The following ADGRV1 variants were observed in gnomAD, a reference collection of about 807,000 sequenced individuals.
ADGRV1 encodes G-protein coupled receptor 98.
A neutral mutation model predicts 596.2 loss-of-function variants in ADGRV1; 359 were observed. The observed-to-expected ratio is 0.60, with a 90% CI of 0.55 to 0.66. The LOEUF is 0.66. ADGRV1 is among the 30% of genes least tolerant of loss of function. The pLI, the probability that ADGRV1 is intolerant of heterozygous loss-of-function variation, is 0.00. For synonymous variants in ADGRV1, 2,681 were observed against 2,679.2 expected (o/e 1.00, Z -0.02); for missense variants, 7,274 against 7,575.6 (o/e 0.96, Z 1.48).
chr5:90,658,416 C>A, intron 21 of ADGRV1, 138 bp downstream of exon 21: 1 of 667,840 alleles, frequency 1.5e-6, no homozygotes, highest in Non-Finnish European at 2.3e-6. Flanking sequence ...CCAGTGATTG[C>A]AAATATAAAT....
At chr5:90,686,236 T>C (rs185172030) in intron 29 of ADGRV1, among the ~76,000 whole-genome samples, 1 of 152,110 alleles carries the variant, frequency 6.6e-6, no homozygotes, top group Admixed American at 6.5e-5. Context: ...TATTATACTT[T>C]AAGTTTTAGG....
chr5:90,840,661 A>G lies in ADGRV1; in HGVS notation c.16695A>G (p.Thr5565=), dbSNP rs748272210. ...AGGATTTTGTGATAACTGAAGGCACATTGGTCTTTGAACCTGGCCAGAGAA... is the reference window on the plus strand; with the variant it reads ...AGGATTTTGTGATAACTGAAGGCACGTTGGTCTTTGAACCTGGCCAGAGAA... ...SGKDFVITEG[T]LVFEPGQRST... is the part of the protein sequence containing the mutation. The change falls in exon 78 of 90, where the codon ACA becomes ACG. Residue 5565 remains threonine (T), a synonymous_variant. Transcript: ENST00000405460. 1.9e-6 allele frequency: 3 copies of G among 1,613,894 alleles called. No homozygotes were observed. Among genetic ancestry groups the G allele is most frequent in the Non-Finnish European group, 2.5e-6 (3 of 1,179,880 alleles).
chr5:90,888,690 T>C (rs1242158932), intron 83 of ADGRV1, among the ~76,000 whole-genome samples: 1 of 152,140 alleles, frequency 6.6e-6, no homozygotes, highest in Admixed American at 6.6e-5. Context: ...GCCTTTGTTT[T>C]CTCCTTTCTT....
intron 44 of ADGRV1, 53 bp downstream of exon 44, chr5:90,720,276 AT>A (rs1383444860): frequency 4.5e-6 from 5 of 1,117,908 alleles, no homozygotes; most frequent in African/African-American, 3.1e-5. Flanking sequence ...AGTAGGGAAT[AT>A]TTTTTGACAT....
chr5:90,703,691 A>G lies in ADGRV1; in HGVS notation c.8182A>G (p.Arg2728Gly), dbSNP rs1472049250. 1 of 1,604,308 alleles carries G rather than the reference A, an allele frequency of 6.2e-7. No individual in the cohort carries two copies. Among genetic ancestry groups the G allele is most frequent in the East Asian group, 2.2e-5 (1 of 44,674 alleles). ...AGAAATTTTACAATTCCATGTGATAAGAACTTTCCCTGGTCGAGGAAATGT... is the reference window on the plus strand; with the variant it reads ...AGAAATTTTACAATTCCATGTGATAGGAACTTTCCCTGGTCGAGGAAATGT... Reference protein sequence around the residue: ...EGEILQFHVIRTFPGRGNVTV... With the variant: ...EGEILQFHVIGTFPGRGNVTV... Residue 2728 changes from arginine to glycine, a missense_variant, in exon 35 of 90, where the codon AGA becomes GGA. Arg to Gly is a moderately radical substitution (Grantham distance 125, BLOSUM62 -2). Around this residue, in one of 5 missense-constraint regions of ADGRV1, gnomAD observed 3,643 missense variants for 3,809.2 expected, o/e 0.96. Transcript: ENST00000405460.
At chr5:90,794,082 A>G (rs1760386057) in intron 70 of ADGRV1, among the ~76,000 whole-genome samples, 1 of 152,188 alleles carries the variant, frequency 6.6e-6, no homozygotes, top group Non-Finnish European at 1.5e-5. Flanking sequence ...TATTAGTTAC[A>G]AGAGTTTACA....
chr5:90,635,337 A>G, intron 10 of ADGRV1, 47 bp downstream of exon 10: 1 of 1,467,680 alleles, frequency 6.8e-7, no homozygotes, highest in Non-Finnish European at 9.2e-7. Flanking sequence ...GTATGAAGTA[A>G]TGTACAGACA....
intron 6 of ADGRV1, among the ~76,000 whole-genome samples, chr5:90,626,806 A>G (rs189179036): frequency 2.0e-4 from 30 of 152,338 alleles, no homozygotes; most frequent in Non-Finnish European, 3.8e-4. Flanking sequence ...AACAATTTTT[A>G]TGTAATGTTT....
intron 83 of ADGRV1, among the ~76,000 whole-genome samples, chr5:90,961,507 A>AAGG (rs1554178779): frequency 6.5e-4 from 53 of 82,000 alleles, no homozygotes; most frequent in Non-Finnish European, 9.0e-4. Context: ...AAAAAAAAAA[A>AAGG]GGGGGGGTGG....
At chr5:90,586,055 T>G (rs1304102775) in intron 1 of ADGRV1, among the ~76,000 whole-genome samples, 1 of 152,094 alleles carries the variant, frequency 6.6e-6, no homozygotes, top group Non-Finnish European at 1.5e-5. Context: ...AGAAGAAGAG[T>G]TAATGTTAAA....
intron 86 of ADGRV1, among the ~76,000 whole-genome samples, chr5:91,083,170 T>C (rs894750501): frequency 1.4e-5 from 2 of 147,418 alleles, no homozygotes; most frequent in African/African-American, 5.1e-5. Flanking sequence ...ATGTTCTCAC[T>C]CATAGATGGG....
chr5:91,112,519 G>A (rs1328939458), intron 87 of ADGRV1, among the ~76,000 whole-genome samples: 3 of 152,108 alleles, frequency 2.0e-5, no homozygotes, highest in African/African-American at 4.8e-5. Context: ...AGATGCGTAC[G>A]TCCTCTTTAA....
At chr5:90,924,598 T>G (rs936629167) in intron 83 of ADGRV1, among the ~76,000 whole-genome samples, 3 of 151,246 alleles carry the variant, frequency 2.0e-5, no homozygotes, top group Non-Finnish European at 4.4e-5. Context: ...TTCACTCTGA[T>G]GGTAGTTTCT....
chr5:90,942,416 A>G (rs1392016380), intron 83 of ADGRV1, among the ~76,000 whole-genome samples: 1 of 152,156 alleles, frequency 6.6e-6, no homozygotes, highest in Non-Finnish European at 1.5e-5. Context: ...GAGAGAGGAG[A>G]GGGAATAGTA....
intron 59 of ADGRV1, among the ~76,000 whole-genome samples, chr5:90,770,909 A>ATC (rs1478006759): frequency 6.6e-6 from 1 of 152,140 alleles, no homozygotes; most frequent in African/African-American, 2.4e-5. Flanking sequence ...TTACACTGCA[A>ATC]TCTGTTCAGT....
intron 83 of ADGRV1, among the ~76,000 whole-genome samples, chr5:90,920,585 C>G (rs1462614938): frequency 2.0e-5 from 3 of 151,948 alleles, no homozygotes; most frequent in Non-Finnish European, 4.4e-5. Context: ...TAGCTGATTC[C>G]TATAATAAAC....
rs772613502 is a variant in ADGRV1, at chr5:90,706,217, A to T, written c.8567-14A>T. On this transcript the variant is annotated splice_polypyrimidine_tract_variant and intron_variant, in intron 37 of 89. Transcript: ENST00000405460. ...TAGATAATTATAAAACATTTTTGCA[A>T]CCTATTCAATTAGGAGCTATCAATG... 6.3e-7 allele frequency: 1 copy of T among 1,584,586 alleles called. No homozygotes were observed. Among genetic ancestry groups the T allele is most frequent in the East Asian group, 2.2e-5 (1 of 44,654 alleles).
intron 85 of ADGRV1, among the ~76,000 whole-genome samples, chr5:91,043,544 C>G (rs1785542281): frequency 6.6e-6 from 1 of 152,028 alleles, no homozygotes; most frequent in African/African-American, 2.4e-5. Flanking sequence ...CTGCCTCCTC[C>G]TAGGATTTAA....
At chr5:90,875,608 A>G (rs1581393185) in intron 83 of ADGRV1, among the ~76,000 whole-genome samples, 3 of 152,172 alleles carry the variant, frequency 2.0e-5, no homozygotes, top group East Asian at 1.9e-4. Context: ...GAAGAGGGAG[A>G]CTTCTGGAAA....
Sources: gnomAD v4.1 joint callset for allele counts (sites outside exome capture counted in the v4.1 genomes callset) on GRCh38, gnomAD v4.1.1 for gene constraint, gnomAD v4.1.1 regional missense constraint, MANE v1.5 for transcripts, NCBI Gene and HGNC (gene_info 2026-07-23, HGNC 2026-07-21) for gene names.